Variants in SEL1L3 observed in about 807,000 individuals in gnomAD.
The protein encoded by SEL1L3 is protein sel-1 homolog 3.
In SEL1L3, 76 loss-of-function variants were observed where a neutral mutation model predicts 142.8. The ratio of observed to expected loss-of-function variants is 0.53; its 90% CI spans 0.44 to 0.64. SEL1L3 has a LOEUF of 0.64. SEL1L3 is among the 30% of genes least tolerant of loss of function. SEL1L3 has a pLI of 0.00. For missense variants in SEL1L3, 1,262 were observed against 1,381.7 expected, an observed-to-expected ratio of 0.91 and a Z score of 1.37; for synonymous variants, 504 against 519.6, an observed-to-expected ratio of 0.97 and a Z score of 0.41.
chr4:25,784,352 C>T lies in SEL1L3; in HGVS notation c.2218-62G>A, dbSNP rs912252688. Reference sequence around the variant, plus strand: ...TACAACCAGACTGCACACATACAGACACTTTAGTGTTGGATATAAAATACT... The same window carrying T: ...TACAACCAGACTGCACACATACAGATACTTTAGTGTTGGATATAAAATACT... On this transcript the variant is annotated intron_variant, in intron 13 of 23. Coordinates refer to ENST00000399878, the MANE Select transcript of SEL1L3 (RefSeq NM_015187.5). 1.3e-5 allele frequency: 16 copies of T among 1,254,012 alleles called. No homozygotes were observed. The East Asian group carries it at 3.0e-4, about 24-fold the overall frequency. 77.7% of individuals were successfully genotyped at this position (1,254,012 alleles called of 1,614,324 possible).
chr4:25,769,494 T>A (rs184770529), intron 17 of SEL1L3, among the ~76,000 whole-genome samples: 15 of 152,212 alleles, frequency 9.9e-5, no homozygotes, highest in Middle Eastern at 3.4e-3. Flanking sequence ...TGCAACAACG[T>A]CCCAAAGGAT....
the SEL1L3 span, among the ~76,000 whole-genome samples, chr4:25,730,134 A>G: frequency 6.6e-6 from 1 of 151,988 alleles, no homozygotes. Flanking sequence ...GGGTTTCACT[A>G]TGTTGGCCAG....
chr4:25,760,614 T>G (rs2109126410), intron 20 of SEL1L3, among the ~76,000 whole-genome samples: 1 of 152,304 alleles, frequency 6.6e-6, no homozygotes, highest in African/African-American at 2.4e-5. Flanking sequence ...GGTGCCTCAC[T>G]GTGGTTTTGA....
chr4:25,729,255 T>C, the SEL1L3 span, among the ~76,000 whole-genome samples: 2 of 152,108 alleles, frequency 1.3e-5, no homozygotes, highest in Non-Finnish European at 2.9e-5. Flanking sequence ...GTGCACAGAG[T>C]GTCTTTGTTT....
Position 25,804,672 on chromosome 4 carries a change from C to T in SEL1L3, c.1645G>A (p.Asp549Asn). The T allele has an allele frequency of 6.2e-7, 1 of 1,613,724 alleles. No individual in the cohort carries two copies. Among genetic ancestry groups the T allele is most frequent in the South Asian group, 1.1e-5 (1 of 91,080 alleles). The change falls in exon 10 of 24, where the codon GAT (aspartate) becomes AAT (asparagine). Residue 549 changes from aspartate to asparagine, a missense_variant. Coordinates refer to ENST00000399878, the MANE Select transcript of SEL1L3 (RefSeq NM_015187.5). ...ATAGAGCTAATTTGGTGAAGACCAT[C>T]AATGCTAGAGAGTCTCTTTACAGCC... Reference protein sequence around the residue: ...EKAVKRLSSIDGLHQISSIVP... With the variant: ...EKAVKRLSSINGLHQISSIVP...
chr4:25,846,592 T>C (rs1220490150), intron 2 of SEL1L3, among the ~76,000 whole-genome samples: 1 of 151,982 alleles, frequency 6.6e-6, no homozygotes, highest in Admixed American at 6.6e-5. Flanking sequence ...TCTCATCTCC[T>C]CCAGGATAAA....
chr4:25,722,334 C>T, the SEL1L3 span, among the ~76,000 whole-genome samples: 1,627 of 152,216 alleles, frequency 0.011, 29 homozygotes, highest in African/African-American at 0.037. Context: ...TACTTTTAGG[C>T]AGAAAAGGGG....
chr4:25,781,941 G>A (rs994675815), intron 15 of SEL1L3, among the ~76,000 whole-genome samples: 4 of 152,100 alleles, frequency 2.6e-5, no homozygotes, highest in Admixed American at 6.6e-5. Flanking sequence ...CCTGTCCTGC[G>A]TCATCTCCCA....
intron 19 of SEL1L3, among the ~76,000 whole-genome samples, chr4:25,766,346 A>G (rs1718728326): frequency 6.6e-6 from 1 of 151,504 alleles, no homozygotes; most frequent in Non-Finnish European, 1.5e-5. Context: ...AGGCTGAGGC[A>G]GGAGAATCGC....
rs760964030 is a variant in SEL1L3, at chr4:25,819,830, G to T, written c.1401C>A (p.His467Gln). Residue 467 changes from histidine (H) to glutamine (Q), a missense_variant, in exon 8 of 24, where the codon CAC becomes CAA. Around this residue, in one of 3 missense-constraint regions of SEL1L3, gnomAD observed 689 missense variants for 692.8 expected, o/e 0.99. Coordinates refer to ENST00000399878, the MANE Select transcript of SEL1L3 (RefSeq NM_015187.5). ...TACATGCTTCTTGTCTCTCGCCCCCGTGCTTTGCTGCAGATGCATACACAG... is the reference window on the plus strand; with the variant it reads ...TACATGCTTCTTGTCTCTCGCCCCCTTGCTTTGCTGCAGATGCATACACAG... ...IVSVYASAAKHGGERQEACHL... is the reference protein window; with the variant it reads ...IVSVYASAAKQGGERQEACHL... 1.2e-6 allele frequency: 2 copies of T among 1,611,940 alleles called. No homozygotes were observed. The highest frequency in any genetic ancestry group is 1.7e-6 in the Non-Finnish European group (2 of 1,179,210).
At chr4:25,795,365 T>C (rs1001907905) in intron 11 of SEL1L3, among the ~76,000 whole-genome samples, 6 of 152,214 alleles carry the variant, frequency 3.9e-5, no homozygotes, top group Middle Eastern at 3.2e-3. Context: ...GTTAACCCTA[T>C]TGGTATTTGC....
chr4:25,862,712 C>T lies in SEL1L3; in HGVS notation c.125G>A (p.Gly42Asp). Residue 42 changes from glycine (G) to aspartate (D), a missense_variant, in exon 1 of 24, where the codon GGC becomes GAC. By Grantham distance (94) the Gly-to-Asp change is moderately conservative. Around this residue, in one of 3 missense-constraint regions of SEL1L3, gnomAD observed 689 missense variants for 692.8 expected, o/e 0.99. Transcript: ENST00000399878. ...CAGGAGCAGCGCGCAGGCAGAGCGG[C>T]CGCCGAGGCCCTGGGGGACGCCGCC... is the stretch of plus-strand genomic sequence containing the variant. ...PSGGVPQGLGGRSACALLLLC... is the reference protein window; with the variant it reads ...PSGGVPQGLGDRSACALLLLC... 2 of 1,297,078 alleles carry T rather than the reference C, an allele frequency of 1.5e-6. No homozygotes were observed. Among genetic ancestry groups the T allele is most frequent in the Non-Finnish European group, 2.0e-6 (2 of 1,020,076 alleles). The allele number at this position is 1,297,078 out of a possible 1,614,324, so 80.3% of individuals were successfully genotyped here.
chr4:25,830,209 C>T (rs1715347926), intron 5 of SEL1L3, 53 bp from the exon 6 acceptor site: 5 of 1,093,288 alleles, frequency 4.6e-6, no homozygotes, highest in African/African-American at 1.5e-5. Flanking sequence ...CCCTACATTA[C>T]CTATGCAGTC....
intron 2 of SEL1L3, among the ~76,000 whole-genome samples, chr4:25,836,001 G>A (rs1715792992): frequency 1.3e-5 from 2 of 152,132 alleles, no homozygotes; most frequent in South Asian, 2.1e-4. Context: ...ATGGAGCTGG[G>A]ATTCAAACTC....
the SEL1L3 span, among the ~76,000 whole-genome samples, chr4:25,726,976 C>G: frequency 1.0e-5 from 1 of 96,416 alleles, no homozygotes; most frequent in Non-Finnish European, 2.1e-5. Context: ...AGATCTTTCT[C>G]TCTGTGTTCT....
chr4:25,722,624 CT>C, the SEL1L3 span, among the ~76,000 whole-genome samples: 2,655 of 103,482 alleles, frequency 0.026, 133 homozygotes, highest in Admixed American at 0.11. Flanking sequence ...CCAAAGGAGG[CT>C]TTTTTTTTTT....
intron 1 of SEL1L3, among the ~76,000 whole-genome samples, chr4:25,852,039 A>G (rs747019534): frequency 6.6e-6 from 1 of 152,136 alleles, no homozygotes; most frequent in Non-Finnish European, 1.5e-5. Flanking sequence ...CAAACTGTCC[A>G]TGCCACCCCC....
rs760042836 is a variant in SEL1L3 at position 25,757,912 on chromosome 4, C to T, written c.3084-122G>A. On this transcript the variant is annotated intron_variant, in intron 21 of 23. Coordinates refer to ENST00000399878, the MANE Select transcript of SEL1L3 (RefSeq NM_015187.5). ...CTTTTGGACAAATGAGCACACTCAA[C>T]TGACAAAGATGAGAGACAAAGAAAT... The T allele has an allele frequency of 5.8e-6, 4 of 684,648 alleles. No homozygotes were observed. In the East Asian group the frequency reaches 1.1e-4, roughly 19 times the overall value. 42.4% of individuals were successfully genotyped at this position (684,648 alleles called of 1,614,324 possible).
chr4:25,750,450 G>A (rs7684305), intron 23 of SEL1L3, among the ~76,000 whole-genome samples: 43,718 of 151,928 alleles, frequency 0.29, 7,709 homozygotes, highest in East Asian at 0.43. Context: ...GAAAGAATAC[G>A]TGGGACTATG....
Sources: gnomAD v4.1 joint callset for allele counts (sites outside exome capture counted in the v4.1 genomes callset) on GRCh38, gnomAD v4.1.1 for gene constraint, gnomAD v4.1.1 regional missense constraint, MANE v1.5 for transcripts, NCBI Gene and HGNC (gene_info 2026-07-23, HGNC 2026-07-21) for gene names.